The following HTR4 variants were observed in gnomAD, a reference collection of about 807,000 sequenced individuals.
HTR4 encodes the protein 5-hydroxytryptamine receptor 4, also known as 5-hydroxytryptamine (serotonin) receptor 4, G protein-coupled.
Under a neutral mutation model 36.8 loss-of-function variants are expected in HTR4, and 16 were observed. The observed-to-expected ratio is 0.43, with a 90% CI of 0.29 to 0.66. The LOEUF is 0.66. HTR4 is among the 30% of genes least tolerant of loss of function. The pLI is 0.13. For missense variants in HTR4, 438 were observed against 490.9 expected (o/e 0.89, Z 1.02); for synonymous variants, 189 against 185.1 (o/e 1.02, Z -0.17).
chr5:148,513,911 T>C (rs1183663355), intron 5 of HTR4, among the ~76,000 whole-genome samples: 1 of 152,200 alleles, frequency 6.6e-6, no homozygotes, highest in Non-Finnish European at 1.5e-5. Context: ...TGATTCCTAA[T>C]TGTTGCTAAT....
chr5:148,517,285 T>A lies in HTR4; in HGVS notation c.507+5908A>T, dbSNP rs530570593. On this transcript the variant is annotated intron_variant, in intron 5 of 6. Coordinates refer to ENST00000377888, the MANE Select transcript of HTR4 (RefSeq NM_000870.7). Reference sequence around the variant, plus strand: ...ACTGCCCTTCGTTCCTTAGACCTCTTCTATTCTGTATCTACCTGCATTCCT... The same window carrying A: ...ACTGCCCTTCGTTCCTTAGACCTCTACTATTCTGTATCTACCTGCATTCCT... 2.8e-4 allele frequency among the ~76,000 whole-genome samples: 42 copies of A among 152,252 alleles called. No homozygotes were observed. The South Asian group carries it at 8.5e-3, about 31-fold the overall frequency.
intron 4 of HTR4, among the ~76,000 whole-genome samples, chr5:148,535,680 A>C (rs1374004898): frequency 6.6e-6 from 1 of 152,224 alleles, no homozygotes; most frequent in African/African-American, 2.4e-5. Context: ...GTTAGACAAA[A>C]ATAAAGACAA....
intron 2 of HTR4, among the ~76,000 whole-genome samples, chr5:148,573,690 T>C (rs1760770956): frequency 6.6e-6 from 1 of 151,978 alleles, no homozygotes; most frequent in African/African-American, 2.4e-5. Flanking sequence ...GTGGTTGACC[T>C]CCTGGGTCTA....
chr5:148,565,838 C>G (rs1489214125), intron 2 of HTR4, among the ~76,000 whole-genome samples: 2 of 152,114 alleles, frequency 1.3e-5, no homozygotes, highest in Non-Finnish European at 2.9e-5. Flanking sequence ...GGTTACTAGT[C>G]ATCTCTAGAG....
At chr5:148,456,746 G>A (rs892626194) in intron 5 of HTR4, among the ~76,000 whole-genome samples, 8 of 152,246 alleles carry the variant, frequency 5.3e-5, no homozygotes, top group Non-Finnish European at 1.0e-4. Flanking sequence ...TCTTGAGGCA[G>A]AATGCCTTGG....
chr5:148,618,337 C>T (rs934897641), intron 2 of HTR4, among the ~76,000 whole-genome samples: 2 of 152,216 alleles, frequency 1.3e-5, no homozygotes, highest in Non-Finnish European at 2.9e-5. Flanking sequence ...CAGCAACCAA[C>T]TTTTCCTGTG....
chr5:148,488,174 C>T (rs1756252318), intron 6 of HTR4, among the ~76,000 whole-genome samples: 1 of 152,142 alleles, frequency 6.6e-6, no homozygotes, highest in African/African-American at 2.4e-5. Context: ...CACTATCAAC[C>T]AGAATTCTAC....
In HTR4 at chr5:148,620,059, T is replaced by C. The variant is rs193246129; in HGVS notation, c.26+16930A>G. On this transcript the variant is annotated intron_variant, in intron 2 of 6. Transcript: ENST00000377888. ...TGATATTTTAGGGGAAAAGAGGTAA[T>C]GTAAGCAAAAGAGAGACTCCATCCT... is the stretch of plus-strand genomic sequence containing the variant. Among the ~76,000 whole-genome samples the C allele has an allele frequency of 3.3e-5, 5 of 152,208 alleles. No individual in the cohort carries two copies. The East Asian group carries it at 9.7e-4, about 29-fold the overall frequency.
At chr5:148,505,318 A>C (rs1757140157) in intron 6 of HTR4, among the ~76,000 whole-genome samples, 1 of 152,226 alleles carries the variant, frequency 6.6e-6, no homozygotes, top group African/African-American at 2.4e-5. Context: ...GACAAAATTC[A>C]ACAGCCCTTC....
downstream of HTR4, chr5:148,476,766 G>T: frequency 6.2e-7 from 1 of 1,613,048 alleles, no homozygotes; most frequent in Non-Finnish European, 8.5e-7. Context: ...AGATCAAAAA[G>T]AACGTAATTA....
intron 4 of HTR4, among the ~76,000 whole-genome samples, chr5:148,526,534 G>A (rs183695952): frequency 7.6e-4 from 116 of 152,166 alleles, no homozygotes; most frequent in African/African-American, 2.6e-3. Context: ...GATCTCTAAC[G>A]TCACAAAAAT....
chr5:148,525,771 C>G (rs1659403917), intron 4 of HTR4, among the ~76,000 whole-genome samples: 1 of 152,256 alleles, frequency 6.6e-6, no homozygotes, highest in African/African-American at 2.4e-5. Context: ...TGTGTCCTTC[C>G]TCTTCCAAAA....
chr5:148,548,090 GAAAGA>G (rs1759479440), intron 4 of HTR4, among the ~76,000 whole-genome samples: 1 of 152,048 alleles, frequency 6.6e-6, no homozygotes, highest in Non-Finnish European at 1.5e-5. Context: ...CAAATATGAA[GAAAGA>G]AAATAAAATT....
chr5:148,591,362 A>G (rs1761563856), intron 2 of HTR4, among the ~76,000 whole-genome samples: 1 of 152,094 alleles, frequency 6.6e-6, no homozygotes, highest in Non-Finnish European at 1.5e-5. Flanking sequence ...TAATACTTCT[A>G]TAAAGAATTG....
intron 2 of HTR4, among the ~76,000 whole-genome samples, chr5:148,550,910 C>T (rs1759650125): frequency 1.3e-5 from 2 of 152,190 alleles, no homozygotes. Context: ...TAACTTATCA[C>T]AAGATCCAAT....
rs1753193671 is a variant in HTR4 at position 148,628,256 on chromosome 5, T to A, written c.26+8733A>T. Among the ~76,000 whole-genome samples, 3 of 152,158 alleles carry A rather than the reference T, an allele frequency of 2.0e-5. No individual in the cohort carries two copies. In the South Asian group the frequency reaches 6.2e-4, roughly 31 times the overall value. ...AGGATAGGCTCTGATATCACAAAAATTTGGGTGAAAATACTAGCTTCACCT... is the reference window on the plus strand; with the variant it reads ...AGGATAGGCTCTGATATCACAAAAAATTGGGTGAAAATACTAGCTTCACCT... On this transcript the variant is annotated intron_variant, in intron 2 of 6. Transcript: ENST00000377888.
intron 2 of HTR4, among the ~76,000 whole-genome samples, chr5:148,615,517 C>G (rs1345254202): frequency 1.7e-4 from 19 of 110,394 alleles, no homozygotes; most frequent in African/African-American, 7.0e-4. Context: ...ACATCACACT[C>G]TGGGGACTGT....
intron 6 of HTR4, among the ~76,000 whole-genome samples, chr5:148,498,868 T>G (rs553942127): frequency 6.6e-6 from 1 of 152,096 alleles, no homozygotes; most frequent in Non-Finnish European, 1.5e-5. Flanking sequence ...TAAACTTACT[T>G]CCTTTAAAAA....
chr5:148,534,348 T>C (rs893888929), intron 4 of HTR4, among the ~76,000 whole-genome samples: 3 of 152,184 alleles, frequency 2.0e-5, no homozygotes, highest in African/African-American at 7.2e-5. Context: ...CCAAGGTGAC[T>C]AGCAACTGGA....
Sources: allele counts gnomAD v4.1 joint callset (sites outside exome capture counted in the v4.1 genomes callset), GRCh38; gene constraint gnomAD v4.1.1; transcripts MANE v1.5; gene names NCBI Gene and HGNC (gene_info 2026-07-23, HGNC 2026-07-21).